IMPG1: variants seen among roughly 807,000 people sequenced by gnomAD.
IMPG1 encodes interphotoreceptor matrix proteoglycan 1, also known as interphotoreceptor matrix proteoglycan of 150 kDa.
A neutral mutation model predicts 92.0 loss-of-function variants in IMPG1; 85 were observed. The observed-to-expected ratio is 0.92, with a 90% confidence interval of 0.78 to 1.11. IMPG1 has a LOEUF of 1.11. IMPG1 is among the 50% of genes least tolerant of loss of function. The pLI is 0.00. For missense variants in IMPG1, 1,022 were observed against 956.0 expected (o/e 1.07, Z -0.91); for synonymous variants, 367 against 334.1 (o/e 1.10, Z -1.08).
At position 76,001,735 on chromosome 6, in the gene IMPG1, A is replaced by G. The variant is rs565721446; in HGVS notation, c.1291+1183T>C. ...GCTGACACAACATGGAGCAGAGAAA[A>G]GCTGTCCCTGCTGATCCCTGCCAAA... On this transcript the variant is annotated intron_variant, in intron 12 of 16. Transcript: ENST00000369950. 2.1e-4 allele frequency among the ~76,000 whole-genome samples: 32 copies of G among 152,342 alleles called. 1 individual carries two copies. Among genetic ancestry groups the G allele is most frequent in the Middle Eastern group, 3.4e-3 (1 of 294 alleles).
intron 12 of IMPG1, among the ~76,000 whole-genome samples, chr6:75,985,660 A>G (rs1782704134): frequency 6.6e-6 from 1 of 152,172 alleles, no homozygotes; most frequent in Admixed American, 6.5e-5. Flanking sequence ...TTTATGGACT[A>G]TTTCAATCCT....
chr6:76,007,675 T>C (rs553560855), intron 8 of IMPG1, among the ~76,000 whole-genome samples, 175 bp from the exon 9 acceptor site: 2 of 152,202 alleles, frequency 1.3e-5, no homozygotes, highest in Non-Finnish European at 2.9e-5. Flanking sequence ...AGAATTTGAA[T>C]GGAAACTTTG....
intron 12 of IMPG1, among the ~76,000 whole-genome samples, chr6:75,984,051 A>G (rs1782673224): frequency 6.6e-6 from 1 of 152,224 alleles, no homozygotes; most frequent in Non-Finnish European, 1.5e-5. Flanking sequence ...GGCTATTATC[A>G]AAAAGACAAA....
intron 5 of IMPG1, among the ~76,000 whole-genome samples, chr6:76,022,540 T>A (rs1401622152): frequency 6.6e-6 from 1 of 152,166 alleles, no homozygotes; most frequent in African/African-American, 2.4e-5. Flanking sequence ...GGCAGATGTT[T>A]ACCTTGAATT....
chr6:76,030,471 C>T (rs1370866920), intron 4 of IMPG1, among the ~76,000 whole-genome samples: 4 of 152,084 alleles, frequency 2.6e-5, no homozygotes, highest in Non-Finnish European at 4.4e-5. Flanking sequence ...TTAAAAAATG[C>T]CTTTTTCTCC....
chr6:75,973,585 T>C (rs1204182621), intron 12 of IMPG1, among the ~76,000 whole-genome samples: 1 of 152,192 alleles, frequency 6.6e-6, no homozygotes, highest in Non-Finnish European at 1.5e-5. Context: ...TATCATTTCA[T>C]AGATGGAAAA....
chr6:75,930,988 T>C lies in IMPG1; in HGVS notation c.2208A>G (p.Glu736=). ...EPGLCGPGTK[E]CEVLQGKGAP... ...CTCCCTTTCCCTGGAGGACCTCGCA[T>C]TCCTTTGTGCCAGGGCCACAGAGGC... The change falls in exon 15 of 17, where the codon GAA becomes GAG. Residue 736 remains glutamate (E), a synonymous_variant. Coordinates refer to ENST00000369950, the MANE Select transcript of IMPG1 (RefSeq NM_001563.4). 2 of 1,614,238 alleles carry C rather than the reference T, an allele frequency of 1.2e-6. No homozygotes were observed. Among genetic ancestry groups the C allele is most frequent in the East Asian group, 4.5e-5 (2 of 44,888 alleles).
intron 12 of IMPG1, among the ~76,000 whole-genome samples, chr6:75,952,704 G>A (rs955025881): frequency 1.3e-4 from 20 of 152,106 alleles, no homozygotes; most frequent in African/African-American, 3.9e-4. Flanking sequence ...TTGGACATGG[G>A]TCTCTGGGAG....
rs187030523 is a variant in IMPG1 at position 76,012,822 on chromosome 6, G to A, written c.808-1598C>T. On this transcript the variant is annotated intron_variant, in intron 7 of 16. Coordinates refer to ENST00000369950, the MANE Select transcript of IMPG1 (RefSeq NM_001563.4). ...CCACTAAATGAATCTGCCCAAACCAGAGCCATTCTCTTCTTCCCAAGTCTG... is the reference window on the plus strand; with the variant it reads ...CCACTAAATGAATCTGCCCAAACCAAAGCCATTCTCTTCTTCCCAAGTCTG... Among the ~76,000 whole-genome samples, 10 of 152,190 alleles carry A rather than the reference G, an allele frequency of 6.6e-5. No individual in the cohort carries two copies. The East Asian group carries it at 1.9e-3, about 29-fold the overall frequency.
chr6:76,007,360 C>T, intron 9 of IMPG1, 120 bp downstream of exon 9: 1 of 657,870 alleles, frequency 1.5e-6, no homozygotes, highest in East Asian at 3.1e-5. Flanking sequence ...AATAAGAAAC[C>T]ATCAAAAAGT....
At chr6:76,026,572 C>T (rs1478906412) in intron 4 of IMPG1, among the ~76,000 whole-genome samples, 1 of 152,226 alleles carries the variant, frequency 6.6e-6, no homozygotes, top group African/African-American at 2.4e-5. Flanking sequence ...CTGGCTTGTT[C>T]CCAGCTATGC....
At position 76,022,139 on chromosome 6, in the gene IMPG1, T is replaced by C. The variant is rs1000780991; in HGVS notation, c.643A>G (p.Asn215Asp). Residue 215 changes from asparagine (N) to aspartate (D), a missense_variant, in exon 6 of 17, where the codon AAC (asparagine) becomes GAC (aspartate). Coordinates refer to ENST00000369950, the MANE Select transcript of IMPG1 (RefSeq NM_001563.4). ...LLNEILDNTL[N>D]DTKMPTTERE... is the part of the protein sequence containing the mutation. ...ACTGTTGTAGGCATCTTGGTGTCGT[T>C]GAGTGTATTATCGAGAATTTCATTG... 3 of 1,590,834 alleles carry C rather than the reference T, an allele frequency of 1.9e-6. No individual in the cohort carries two copies. Among genetic ancestry groups the C allele is most frequent in the Admixed American group, 1.7e-5 (1 of 59,478 alleles).
chr6:75,924,401 A>T (rs1356342488), intron 15 of IMPG1, among the ~76,000 whole-genome samples: 1 of 119,800 alleles, frequency 8.3e-6, no homozygotes, highest in Non-Finnish European at 1.6e-5. Flanking sequence ...TATATAAAAA[A>T]TTATATATAA....
At chr6:76,054,181 A>G (rs529368974) in intron 1 of IMPG1, among the ~76,000 whole-genome samples, 1 of 152,206 alleles carries the variant, frequency 6.6e-6, no homozygotes, top group Admixed American at 6.6e-5. Flanking sequence ...GTGCTTGCTT[A>G]TTATGTAGTT....
At chr6:76,001,048 T>G (rs1782978831) in intron 12 of IMPG1, among the ~76,000 whole-genome samples, 1 of 152,250 alleles carries the variant, frequency 6.6e-6, no homozygotes, top group African/African-American at 2.4e-5. Flanking sequence ...CTTGGCTTTC[T>G]CATTTGTGAA....
At chr6:76,009,540 C>T (rs978832752) in intron 8 of IMPG1, among the ~76,000 whole-genome samples, 2 of 152,164 alleles carry the variant, frequency 1.3e-5, no homozygotes, top group East Asian at 1.9e-4. Context: ...AATTTTGCCA[C>T]TGTCATGAGC....
chr6:76,033,669 T>C (rs1783688268), intron 4 of IMPG1, among the ~76,000 whole-genome samples: 1 of 152,238 alleles, frequency 6.6e-6, no homozygotes, highest in Non-Finnish European at 1.5e-5. Flanking sequence ...GTAATTCATA[T>C]GGCCAAATTT....
At chr6:76,057,130 C>T (rs1784133163) in intron 1 of IMPG1, among the ~76,000 whole-genome samples, 1 of 152,028 alleles carries the variant, frequency 6.6e-6, no homozygotes, top group South Asian at 2.1e-4. Flanking sequence ...GAACAACACA[C>T]ATGGGGGGCT....
chr6:75,930,525 GCTTT>G (rs1582048504), intron 15 of IMPG1, among the ~76,000 whole-genome samples: 1 of 152,084 alleles, frequency 6.6e-6, no homozygotes. Flanking sequence ...ATATTTCCCA[GCTTT>G]CTTATGATGA....
Sources: gnomAD v4.1 joint callset for allele counts (sites outside exome capture counted in the v4.1 genomes callset) on GRCh38, gnomAD v4.1.1 for gene constraint, MANE v1.5 for transcripts, NCBI Gene and HGNC (gene_info 2026-07-23, HGNC 2026-07-21) for gene names.